PCDHA2: variants seen among roughly 807,000 people sequenced by gnomAD.
The protein encoded by PCDHA2 is protocadherin alpha 2.
PCDHA2 carries 58 observed loss-of-function variants against 66.0 expected under a neutral mutation model. The observed-to-expected ratio is 0.88, with a 90% confidence interval of 0.71 to 1.09. The LOEUF (loss-of-function observed/expected upper bound fraction) is 1.09. PCDHA2 is among the 50% of genes least tolerant of loss of function. The probability of loss-of-function intolerance (pLI) is 0.00; values close to 1 mark genes in which losing one functional copy is unlikely to be tolerated. For missense variants in PCDHA2, 1,267 were observed against 1,242.3 expected, an observed-to-expected ratio of 1.02 and a Z score of -0.30; for synonymous variants, 634 against 554.0, an observed-to-expected ratio of 1.14 and a Z score of -2.03.
chr5:140,828,573 A>T (rs1769832342), intron 1 of PCDHA2: 4 of 1,614,248 alleles, frequency 2.5e-6, no homozygotes, highest in Non-Finnish European at 3.4e-6. Context: ...TCCGATGCAG[A>T]TGTTGGCTCA....
At chr5:140,929,391 A>T (rs1563116530) in intron 1 of PCDHA2, 3 of 1,511,404 alleles carry the variant, frequency 2.0e-6, no homozygotes, top group Non-Finnish European at 2.7e-6. Context: ...GTTTTGAAAT[A>T]TTTCTTAGAC....
rs201868516 is a variant in PCDHA2 at position 140,843,396 on chromosome 5, C to A, written c.2388+46044C>A. 27 of 1,595,918 alleles carry A rather than the reference C, an allele frequency of 1.7e-5. 6 individuals carry two copies. Among genetic ancestry groups the A allele is most frequent in the Non-Finnish European group, 2.3e-5 (27 of 1,165,594 alleles). ...GCTGGCGTTTTGGGTCCGGAAGCGGCGCTGGTGGATGTCAACGTGTACCTG... is the reference window on the plus strand; with the variant it reads ...GCTGGCGTTTTGGGTCCGGAAGCGGAGCTGGTGGATGTCAACGTGTACCTG... On this transcript the variant is annotated intron_variant, in intron 1 of 3. Coordinates refer to ENST00000526136, the MANE Select transcript of PCDHA2 (RefSeq NM_018905.3).
chr5:140,908,836 T>C (rs1206116511), intron 1 of PCDHA2, among the ~76,000 whole-genome samples: 4 of 152,200 alleles, frequency 2.6e-5, no homozygotes, highest in African/African-American at 9.7e-5. Flanking sequence ...ATAAATGGGC[T>C]GGAGTAACAT....
At chr5:140,862,906 C>A in intron 1 of PCDHA2, 1 of 554,064 alleles carries the variant, frequency 1.8e-6, no homozygotes, top group Non-Finnish European at 3.5e-6. Flanking sequence ...GTCTGCGCTG[C>A]TGGCGCCTTG....
intron 1 of PCDHA2, chr5:140,821,792 G>A: frequency 6.2e-7 from 1 of 1,612,576 alleles, no homozygotes; most frequent in Non-Finnish European, 8.5e-7. Flanking sequence ...TATTCCCGGA[G>A]AGGAAGTCTG....
At chr5:141,008,528 G>C (rs1343778561) in intron 3 of PCDHA2, among the ~76,000 whole-genome samples, 5 of 152,070 alleles carry the variant, frequency 3.3e-5, no homozygotes, top group African/African-American at 9.7e-5. Flanking sequence ...AGACTCTTGG[G>C]AATGTCTTTT....
rs139629080 is a variant in PCDHA2, at chr5:140,828,492, C to G, written c.2388+31140C>G. ...ATTAACGACAACCCGCCCTTGTTCC[C>G]GGTAGAGGAACAAAGAGTGCTGATT... On this transcript the variant is annotated intron_variant, in intron 1 of 3. Coordinates refer to ENST00000526136, the MANE Select transcript of PCDHA2 (RefSeq NM_018905.3). 3.7e-6 allele frequency: 6 copies of G among 1,614,162 alleles called. No homozygotes were observed. The highest frequency in any genetic ancestry group is 4.5e-5 in the East Asian group (2 of 44,888).
intron 1 of PCDHA2, chr5:140,834,576 C>G: frequency 2.5e-6 from 4 of 1,614,098 alleles, no homozygotes; most frequent in Non-Finnish European, 2.5e-6. Flanking sequence ...GCGCCTGTTC[C>G]GGGCGGTGTG....
Position 140,845,288 on chromosome 5 carries a change from C to T in PCDHA2, c.2388+47936C>T, listed in dbSNP as rs1304336704. ...CTTTGTGAAAGTAATATTTCCTATC[C>T]TGTCTATGTCTACCTGGTTCTCAGG... On this transcript the variant is annotated intron_variant, in intron 1 of 3. Coordinates refer to ENST00000526136, the MANE Select transcript of PCDHA2 (RefSeq NM_018905.3). Among the ~76,000 whole-genome samples the T allele has an allele frequency of 3.4e-5, 5 of 149,098 alleles. 1 individual carries two copies. Among genetic ancestry groups the T allele is most frequent in the African/African-American group, 9.8e-5 (4 of 40,716 alleles).
chr5:140,808,230 CA>C, intron 1 of PCDHA2: 2 of 1,614,206 alleles, frequency 1.2e-6, no homozygotes, highest in Non-Finnish European at 1.7e-6. Context: ...GATAATGTCC[CA>C]GATTTGGAAT....
Position 140,950,516 on chromosome 5 carries a change from G to A in PCDHA2, c.2389-28433G>A, listed in dbSNP as rs184772904. ...ATTTAAGTCATTATTCCCTGTGTGCGATATGATTGTTTTTGTTGCTCTTGC... is the reference window on the plus strand; with the variant it reads ...ATTTAAGTCATTATTCCCTGTGTGCAATATGATTGTTTTTGTTGCTCTTGC... On this transcript the variant is annotated intron_variant, in intron 1 of 3. Coordinates refer to ENST00000526136, the MANE Select transcript of PCDHA2 (RefSeq NM_018905.3). Among the ~76,000 whole-genome samples, 6 of 152,110 alleles carry A rather than the reference G, an allele frequency of 3.9e-5. No individual in the cohort carries two copies. The East Asian group carries it at 9.6e-4, about 24-fold the overall frequency.
chr5:140,862,988 C>A (rs1554157382), intron 1 of PCDHA2: 6 of 546,930 alleles, frequency 1.1e-5, no homozygotes, highest in Non-Finnish European at 2.2e-5. Context: ...GGCGAAGGTG[C>A]GCACGGTGGA....
chr5:140,915,281 C>T (rs1554196839), intron 1 of PCDHA2, among the ~76,000 whole-genome samples: 2 of 152,090 alleles, frequency 1.3e-5, no homozygotes, highest in Non-Finnish European at 2.9e-5. Flanking sequence ...TCATCATTTA[C>T]TCTTTCTACT....
intron 1 of PCDHA2, among the ~76,000 whole-genome samples, chr5:140,886,842 AAAAAAG>A (rs1562824849): frequency 6.6e-6 from 1 of 151,524 alleles, no homozygotes. Flanking sequence ...AAAAAAAAAA[AAAAAAG>A]AAAGGTCTTC....
chr5:140,835,731 G>A, intron 1 of PCDHA2: 3 of 1,613,790 alleles, frequency 1.9e-6, no homozygotes, highest in Non-Finnish European at 2.5e-6. Flanking sequence ...CGACGTGAAC[G>A]ACAACGCCCC....
intron 1 of PCDHA2, chr5:140,849,693 A>T (rs2150445321): frequency 6.3e-7 from 1 of 1,598,584 alleles, no homozygotes; most frequent in South Asian, 1.1e-5. Flanking sequence ...GCTGGTGTCC[A>T]CCTACAAGAA....
rs1431073742 is a variant in PCDHA2, at chr5:140,795,981, A to G, written c.1017A>G (p.Lys339=). Residue 339 remains lysine (K), a synonymous_variant, in exon 1 of 4, where the codon AAA becomes AAG. Coordinates refer to ENST00000526136, the MANE Select transcript of PCDHA2 (RefSeq NM_018905.3). ...CAGGACATTGTAAAATTTCATTAAA[A>G]CTTGTGGACATCAATGATAACACAC... ...SMSGHCKISL[K]LVDINDNTPE... 6.2e-7 allele frequency: 1 copy of G among 1,613,984 alleles called. No homozygotes were observed. The highest frequency in any genetic ancestry group is 8.5e-7 in the Non-Finnish European group (1 of 1,180,022).
At chr5:140,970,762 A>C (rs2096431667) in intron 1 of PCDHA2, among the ~76,000 whole-genome samples, 1 of 152,198 alleles carries the variant, frequency 6.6e-6, no homozygotes, top group Admixed American at 6.5e-5. Context: ...TCATTGACAT[A>C]TTGCTGTACA....
rs1489992894 is a variant in PCDHA2, at chr5:140,841,079, G to A, written c.2388+43727G>A. ...AAATTATGATAAAGAAATAGAAAGT[G>A]CATAGAAGAACCCAGATATTGCGGA... On this transcript the variant is annotated intron_variant, in intron 1 of 3. Transcript: ENST00000526136. 3.0e-5 allele frequency: 16 copies of A among 535,434 alleles called. No homozygotes were observed. The East Asian group carries it at 5.1e-4, about 17-fold the overall frequency. 33.2% of individuals were successfully genotyped at this position (535,434 alleles called of 1,614,324 possible). A position where few individuals can be genotyped will look rare whatever the true frequency, so the allele number is the denominator to read the frequency against.
Sources: allele counts gnomAD v4.1 joint callset (sites outside exome capture counted in the v4.1 genomes callset), GRCh38; gene constraint gnomAD v4.1.1; transcripts MANE v1.5; gene names NCBI Gene and HGNC (gene_info 2026-07-23, HGNC 2026-07-21).